MTHFD1L: variants seen among roughly 807,000 people sequenced by gnomAD.
MTHFD1L encodes monofunctional C1-tetrahydrofolate synthase, mitochondrial.
In MTHFD1L, 81 loss-of-function variants were observed where a neutral mutation model predicts 119.5. The observed-to-expected ratio is 0.68, with a 90% CI of 0.57 to 0.82. The LOEUF is 0.82. MTHFD1L is among the 40% of genes least tolerant of loss of function. The pLI, the probability that MTHFD1L is intolerant of heterozygous loss-of-function variation, is 0.00. For missense variants in MTHFD1L, 1,125 were observed against 1,253.4 expected, an observed-to-expected ratio of 0.90 and a Z score of 1.55; for synonymous variants, 430 against 475.2, an observed-to-expected ratio of 0.90 and a Z score of 1.24.
At chr6:150,957,152 T>C (rs939272076) in intron 17 of MTHFD1L, among the ~76,000 whole-genome samples, 2 of 152,220 alleles carry the variant, frequency 1.3e-5, no homozygotes, top group Non-Finnish European at 2.9e-5. Context: ...TTTTATTTGC[T>C]GCTGTGTTCC....
intron 15 of MTHFD1L, among the ~76,000 whole-genome samples, chr6:150,945,880 G>A (rs1010686951): frequency 4.6e-5 from 7 of 152,092 alleles, no homozygotes; most frequent in Non-Finnish European, 1.0e-4. Flanking sequence ...CCTGTAGTCC[G>A]AGCTACTCAT....
At chr6:150,876,895 C>A (rs1237884672) in intron 2 of MTHFD1L, among the ~76,000 whole-genome samples, 1 of 152,210 alleles carries the variant, frequency 6.6e-6, no homozygotes, top group African/African-American at 2.4e-5. Flanking sequence ...AAGTTACTTA[C>A]ATTCTCTGGG....
intron 16 of MTHFD1L, among the ~76,000 whole-genome samples, chr6:150,954,876 G>T (rs1156839471): frequency 6.6e-6 from 1 of 152,016 alleles, no homozygotes; most frequent in Non-Finnish European, 1.5e-5. Context: ...CTCCCAAAGT[G>T]CTGGGAGGTG....
At chr6:151,038,361 A>G (rs1350726293) in intron 26 of MTHFD1L, among the ~76,000 whole-genome samples, 4 of 152,136 alleles carry the variant, frequency 2.6e-5, no homozygotes, top group Admixed American at 6.6e-5. Flanking sequence ...CCAAAGTACT[A>G]ATACATGACA....
At chr6:150,974,211 T>C (rs1776209787) in intron 20 of MTHFD1L, among the ~76,000 whole-genome samples, 2 of 152,154 alleles carry the variant, frequency 1.3e-5, no homozygotes, top group African/African-American at 4.8e-5. Context: ...GGATAGGGCT[T>C]CCCTCTCGAA....
At chr6:150,980,508 C>G (rs1238039125) in intron 20 of MTHFD1L, among the ~76,000 whole-genome samples, 5 of 152,132 alleles carry the variant, frequency 3.3e-5, no homozygotes, top group Admixed American at 2.0e-4. Context: ...GTTACAAACA[C>G]CCATGTTCCC....
At chr6:151,052,839 T>A (rs1251708882) in intron 26 of MTHFD1L, among the ~76,000 whole-genome samples, 2 of 152,142 alleles carry the variant, frequency 1.3e-5, no homozygotes, top group Admixed American at 1.3e-4. Context: ...ACCCAAAATG[T>A]GTGAGCCTGA....
intron 8 of MTHFD1L, among the ~76,000 whole-genome samples, chr6:150,909,001 T>C (rs1010341970): frequency 1.3e-5 from 2 of 152,112 alleles, no homozygotes; most frequent in Non-Finnish European, 2.9e-5. Flanking sequence ...CTTACCTTCA[T>C]GGTACAGAGT....
intron 18 of MTHFD1L, among the ~76,000 whole-genome samples, chr6:150,961,472 G>A (rs548490755): frequency 1.3e-5 from 2 of 152,112 alleles, no homozygotes; most frequent in Non-Finnish European, 2.9e-5. Context: ...GCATGGGTGT[G>A]GACACAGGCC....
At chr6:150,894,018 C>T (rs913011662) in intron 7 of MTHFD1L, among the ~76,000 whole-genome samples, 3 of 152,084 alleles carry the variant, frequency 2.0e-5, no homozygotes, top group African/African-American at 7.2e-5. Context: ...CTGAGGAGGG[C>T]AGATTGCTTG....
intron 11 of MTHFD1L, among the ~76,000 whole-genome samples, chr6:150,936,454 C>G (rs1191689766): frequency 1.3e-5 from 2 of 152,166 alleles, no homozygotes; most frequent in African/African-American, 4.8e-5. Flanking sequence ...ATAAATGGCT[C>G]AGGAAGAACA....
chr6:150,963,739 G>T (rs1218721067), intron 18 of MTHFD1L, among the ~76,000 whole-genome samples: 1 of 152,104 alleles, frequency 6.6e-6, no homozygotes, highest in Non-Finnish European at 1.5e-5. Context: ...GTACAGCAAG[G>T]GATAGCGCCC....
intron 9 of MTHFD1L, among the ~76,000 whole-genome samples, chr6:150,921,672 C>T (rs771686930): frequency 1.3e-4 from 20 of 152,138 alleles, no homozygotes; most frequent in Non-Finnish European, 2.4e-4. Context: ...CTCAGCCTCC[C>T]GAGTAGCTGG....
chr6:150,907,897 ATT>A (rs11442424), intron 8 of MTHFD1L, among the ~76,000 whole-genome samples: 24 of 140,808 alleles, frequency 1.7e-4, no homozygotes, highest in Middle Eastern at 3.6e-3. Context: ...GCTCTGTGAA[ATT>A]TTTTTTTTTT....
intron 1 of MTHFD1L, among the ~76,000 whole-genome samples, chr6:150,873,954 A>C (rs1479713213): frequency 6.6e-6 from 1 of 152,186 alleles, no homozygotes; most frequent in African/African-American, 2.4e-5. Flanking sequence ...TATAGGTGTG[A>C]GCCACTGCAC....
chr6:151,094,337 C>T (rs1794713199), intron 27 of MTHFD1L, among the ~76,000 whole-genome samples: 1 of 152,176 alleles, frequency 6.6e-6, no homozygotes, highest in South Asian at 2.1e-4. Flanking sequence ...ATTTGTTTCA[C>T]TACCAGGAGT....
intron 8 of MTHFD1L, among the ~76,000 whole-genome samples, chr6:150,911,425 T>G (rs993076611): frequency 6.6e-6 from 1 of 152,218 alleles, no homozygotes. Flanking sequence ...CCAAATGATA[T>G]GTATTAGTCC....
At chr6:150,881,692 A>G (rs939181439) in intron 4 of MTHFD1L, among the ~76,000 whole-genome samples, 3 of 151,994 alleles carry the variant, frequency 2.0e-5, no homozygotes, top group African/African-American at 4.8e-5. Flanking sequence ...TTTTATTATT[A>G]TTATTATTTG....
chr6:150,935,111 A>C, intron 11 of MTHFD1L: 1 of 1,613,916 alleles, frequency 6.2e-7, no homozygotes, highest in Non-Finnish European at 8.5e-7. Context: ...TGTAAATACC[A>C]TACCTACCAA....
Sources: allele counts gnomAD v4.1 joint callset (sites outside exome capture counted in the v4.1 genomes callset), GRCh38; gene constraint gnomAD v4.1.1; transcripts MANE v1.5; gene names NCBI Gene and HGNC (gene_info 2026-07-23, HGNC 2026-07-21).